CYP4A22: variants seen among roughly 807,000 people sequenced by gnomAD.
The protein encoded by CYP4A22 is cytochrome P450 4A22.
CYP4A22 carries 46 observed loss-of-function variants against 56.2 expected under a neutral mutation model. The ratio of observed to expected loss-of-function variants is 0.82; its 90% CI spans 0.65 to 1.05. The LOEUF is 1.05. CYP4A22 is among the 50% of genes least tolerant of loss of function. The pLI is 0.00. For synonymous variants in CYP4A22, 193 were observed against 251.1 expected, an observed-to-expected ratio of 0.77 and a Z score of 2.19; for missense variants, 541 against 645.9, an observed-to-expected ratio of 0.84 and a Z score of 1.76.
intron 1 of CYP4A22, 45 bp downstream of exon 1, chr1:47,137,725 C>G (rs368943410): frequency 6.9e-5 from 108 of 1,561,156 alleles, no homozygotes; most frequent in East Asian, 1.4e-4. Flanking sequence ...AGGAGGGATG[C>G]GGCTCTGAGA....
In CYP4A22 at chr1:47,143,936, T is replaced by A. The variant is rs769540925; in HGVS notation, c.790+20T>A. On this transcript the variant is annotated intron_variant, in intron 6 of 11. Coordinates refer to ENST00000371891, the MANE Select transcript of CYP4A22 (RefSeq NM_001010969.4). The stretch of plus-strand genomic sequence containing the variant: ...ACACAGGTTCTGTCTCTTCCTCTTG[T>A]CTCCCAGCCTTTCCCAGGCACAGTG... The A allele has an allele frequency of 5.6e-6, 9 of 1,593,852 alleles. No homozygotes were observed. In the Admixed American group the frequency reaches 1.4e-4, roughly 25 times the overall value.
In CYP4A22 at chr1:47,144,373, G is replaced by A. The variant is rs144652183; in HGVS notation, c.807G>A (p.Leu269=). ...AHQHTDQVIQ[L]RKAQLQKEGE... is the part of the protein sequence containing the mutation. ...CTGGTACAGACCAAGTGATCCAACT[G>A]AGGAAGGCTCAACTACAGAAGGAGG... Residue 269 remains leucine (L), a synonymous_variant, in exon 7 of 12, where the codon CTG becomes CTA. Coordinates refer to ENST00000371891, the MANE Select transcript of CYP4A22 (RefSeq NM_001010969.4). 74 of 1,613,966 alleles carry A rather than the reference G, an allele frequency of 4.6e-5. No homozygotes were observed. The African/African-American group carries it at 9.3e-4, about 20-fold the overall frequency.
intron 8 of CYP4A22, 26 bp downstream of exon 8, chr1:47,144,766 T>C (rs1645056890): frequency 3.1e-6 from 5 of 1,611,608 alleles, no homozygotes; most frequent in South Asian, 1.1e-5. Flanking sequence ...AAAGATGGGG[T>C]TCCCTGCCTT....
chr1:47,141,224 T>C (rs1645005359), intron 2 of CYP4A22, among the ~76,000 whole-genome samples: 2 of 152,240 alleles, frequency 1.3e-5, no homozygotes, highest in African/African-American at 2.4e-5. Flanking sequence ...CCACATTGAC[T>C]TGGGTTTCGA....
chr1:47,144,026 A>G (rs1645044982), intron 6 of CYP4A22, 110 bp downstream of exon 6: 1 of 1,500,300 alleles, frequency 6.7e-7, no homozygotes, highest in Non-Finnish European at 8.9e-7. Flanking sequence ...GCCAGAACAC[A>G]CTCAGCCTGG....
intron 6 of CYP4A22, among the ~76,000 whole-genome samples, chr1:47,144,141 C>T (rs1301768112): frequency 2.6e-5 from 4 of 152,178 alleles, no homozygotes; most frequent in Admixed American, 2.0e-4. Flanking sequence ...AGACCCTGTC[C>T]AAACAGCATT....
chr1:47,143,133 A>G, intron 4 of CYP4A22, 136 bp from the exon 5 acceptor site: 1 of 1,496,914 alleles, frequency 6.7e-7, no homozygotes, highest in Non-Finnish European at 8.9e-7. Flanking sequence ...TCTGCTCTGT[A>G]AAGTGAAGAA....
chr1:47,141,505 T>C, intron 2 of CYP4A22, 66 bp from the exon 3 acceptor site: 6 of 1,566,596 alleles, frequency 3.8e-6, no homozygotes, highest in East Asian at 2.3e-5. Flanking sequence ...CAAGAACTGA[T>C]GCTGCCTCTG....
chr1:47,145,775 T>G, intron 9 of CYP4A22, 91 bp from the exon 10 acceptor site: 1 of 1,559,448 alleles, frequency 6.4e-7, no homozygotes, highest in Non-Finnish European at 8.7e-7. Flanking sequence ...AAAGTAGGTG[T>G]TTTGGGCCTT....
intron 3 of CYP4A22, among the ~76,000 whole-genome samples, chr1:47,141,830 T>C (rs1645013444): frequency 6.6e-6 from 1 of 152,188 alleles, no homozygotes. Flanking sequence ...CTCAGTTCTC[T>C]CCAGACATCC....
chr1:47,148,326 C>G (rs1360242992), intron 11 of CYP4A22, among the ~76,000 whole-genome samples: 1 of 152,222 alleles, frequency 6.6e-6, no homozygotes. Context: ...CCTTAGAGCC[C>G]TGGCCCTGTC....
intron 6 of CYP4A22, 37 bp from the exon 7 acceptor site, chr1:47,144,320 G>T (rs1645048608): frequency 8.7e-6 from 14 of 1,601,272 alleles, no homozygotes; most frequent in Middle Eastern, 1.7e-4. Context: ...GCTGCTGACG[G>T]TCTCAGCTCT....
At chr1:47,146,791 T>C in intron 11 of CYP4A22, 1 of 986,652 alleles carries the variant, frequency 1.0e-6, no homozygotes, top group African/African-American at 1.7e-5. Flanking sequence ...TGTTCACATA[T>C]TTACATCTAT....
intron 11 of CYP4A22, chr1:47,146,424 T>C: frequency 7.5e-7 from 1 of 1,326,842 alleles, no homozygotes; most frequent in Non-Finnish European, 9.7e-7. Context: ...CTTCAGTATA[T>C]TCATGTATTT....
At position 47,144,006 on chromosome 1, in the gene CYP4A22, T is replaced by C. The variant is rs2405591; in HGVS notation, c.790+90T>C. 65 of 1,519,242 alleles carry C rather than the reference T, an allele frequency of 4.3e-5. 1 individual carries two copies. Among genetic ancestry groups the C allele is most frequent in the East Asian group, 6.8e-5 (3 of 43,890 alleles). The allele number at this position is 1,519,242 out of a possible 1,614,324, so 94.1% of individuals were successfully genotyped here. A position where few individuals can be genotyped will look rare whatever the true frequency, so the allele number is the denominator to read the frequency against. ...CTCAGGCAGAGAAGGTCCCTAGTAATCCTGCAGAAGCCAGAACACACTCAG... is the reference window on the plus strand; with the variant it reads ...CTCAGGCAGAGAAGGTCCCTAGTAACCCTGCAGAAGCCAGAACACACTCAG... On this transcript the variant is annotated intron_variant, in intron 6 of 11. Coordinates refer to ENST00000371891, the MANE Select transcript of CYP4A22 (RefSeq NM_001010969.4).
chr1:47,142,618 C>T (rs1254986063), intron 4 of CYP4A22, among the ~76,000 whole-genome samples: 1 of 152,256 alleles, frequency 6.6e-6, no homozygotes, highest in Non-Finnish European at 1.5e-5. Flanking sequence ...AGATGTCACC[C>T]ACCCAGGCTC....
chr1:47,146,959 G>A (rs930858584), intron 11 of CYP4A22: 26 of 985,304 alleles, frequency 2.6e-5, no homozygotes, highest in Non-Finnish European at 3.1e-5. Flanking sequence ...AACATTTGAA[G>A]CCTCCTGGTA....
At chr1:47,143,162 C>T in intron 4 of CYP4A22, 107 bp from the exon 5 acceptor site, 2 of 1,524,902 alleles carry the variant, frequency 1.3e-6, no homozygotes, top group South Asian at 2.7e-5. Context: ...AAGATATCTG[C>T]AAGCTACAGG....
At chr1:47,141,800 C>A (rs1645013005) in intron 3 of CYP4A22, among the ~76,000 whole-genome samples, 185 bp downstream of exon 3, 1 of 152,202 alleles carries the variant, frequency 6.6e-6, no homozygotes, top group South Asian at 2.1e-4. Flanking sequence ...TCCTGAGGCT[C>A]AGCTTCTTCC....
Sources: allele counts gnomAD v4.1 joint callset (sites outside exome capture counted in the v4.1 genomes callset), GRCh38; gene constraint gnomAD v4.1.1; transcripts MANE v1.5; gene names NCBI Gene and HGNC (gene_info 2026-07-23, HGNC 2026-07-21).